Variants in PBK observed in about 807,000 individuals in gnomAD.
PBK encodes the protein lymphokine-activated killer T-cell-originated protein kinase.
PBK carries 22 observed loss-of-function variants against 33.5 expected under a neutral mutation model. The ratio of observed to expected loss-of-function variants is 0.66; its 90% confidence interval spans 0.47 to 0.94. The LOEUF is 0.94. PBK is among the 40% of genes least tolerant of loss of function. PBK has a pLI of 0.00. For missense variants in PBK, 376 were observed against 383.4 expected, an observed-to-expected ratio of 0.98 and a Z score of 0.16; for synonymous variants, 129 against 123.8, an observed-to-expected ratio of 1.04 and a Z score of -0.28.
intron 1 of PBK, among the ~76,000 whole-genome samples, chr8:27,837,438 G>A (rs1262158161): frequency 2.0e-5 from 3 of 152,182 alleles, no homozygotes; most frequent in Admixed American, 2.0e-4. Context: ...AGTGTGGGCC[G>A]CATGACTCTC....
chr8:27,833,370 G>A (rs1585436856), intron 1 of PBK, among the ~76,000 whole-genome samples: 2 of 152,124 alleles, frequency 1.3e-5, no homozygotes, highest in Admixed American at 6.6e-5. Flanking sequence ...TCAGCCAGGC[G>A]TGGTGGCGCA....
At chr8:27,827,961 T>C in intron 3 of PBK, 144 bp downstream of exon 3, 1 of 492,726 alleles carries the variant, frequency 2.0e-6, no homozygotes, top group Admixed American at 3.2e-5. Flanking sequence ...CAAAAGGGTC[T>C]AGGGACCGGA....
chr8:27,816,383 A>T (rs202069584), intron 6 of PBK, among the ~76,000 whole-genome samples: 516 of 48,866 alleles, frequency 0.011, no homozygotes, highest in East Asian at 0.032. Flanking sequence ...ATTTATTTTA[A>T]TTTATTTTTT....
At chr8:27,825,163 G>T (rs1806001966) in intron 3 of PBK, among the ~76,000 whole-genome samples, 1 of 152,214 alleles carries the variant, frequency 6.6e-6, no homozygotes, top group African/African-American at 2.4e-5. Flanking sequence ...CGTAGGCCTG[G>T]AAGGGTTAGC....
At chr8:27,826,688 C>T (rs1280271652) in intron 3 of PBK, among the ~76,000 whole-genome samples, 2 of 138,762 alleles carry the variant, frequency 1.4e-5, no homozygotes, top group African/African-American at 2.9e-5. Context: ...CCCAGCTACT[C>T]GGGAGGCTGA....
intron 5 of PBK, among the ~76,000 whole-genome samples, chr8:27,821,216 T>TA (rs1805921475): frequency 6.6e-6 from 1 of 152,164 alleles, no homozygotes; most frequent in Admixed American, 6.5e-5. Context: ...TATTTAGAAA[T>TA]AGATACTTCT....
Position 27,810,361 on chromosome 8 carries a change from G to C in PBK, c.913C>G (p.Pro305Ala). ...ELFSVCTNEDPKDRPSAAHIV... is the reference protein window; with the variant it reads ...ELFSVCTNEDAKDRPSAAHIV... The stretch of plus-strand genomic sequence containing the variant: ...TGTGCAGCAGAAGGACGATCTTTAG[G>C]GTCTTCATTAGTGCATACAGAGAAG... The change falls in exon 8 of 8, where the codon CCT becomes GCT. Residue 305 changes from proline to alanine, a missense_variant. By Grantham distance (27) the Pro-to-Ala change is conservative (BLOSUM62 -1). Coordinates refer to ENST00000301905, the MANE Select transcript of PBK (RefSeq NM_018492.4). The C allele has an allele frequency of 6.2e-7, 1 of 1,612,312 alleles. No individual in the cohort carries two copies. The highest frequency in any genetic ancestry group is 1.1e-5 in the South Asian group (1 of 91,004).
At chr8:27,827,925 C>A (rs550708884) in intron 3 of PBK, among the ~76,000 whole-genome samples, 180 bp downstream of exon 3, 2 of 152,308 alleles carry the variant, frequency 1.3e-5, no homozygotes, top group South Asian at 4.1e-4. Flanking sequence ...AGGAGAAAAG[C>A]AGAGGCAGAG....
chr8:27,815,316 T>C (rs1458536892), intron 6 of PBK, among the ~76,000 whole-genome samples: 1 of 152,146 alleles, frequency 6.6e-6, no homozygotes, highest in African/African-American at 2.4e-5. Flanking sequence ...GCAGGCTCTG[T>C]TAAGTGAGAA....
Position 27,816,729 on chromosome 8 carries a change from T to A in PBK, c.595+3836A>T, listed in dbSNP as rs1262102877. 3.9e-5 allele frequency among the ~76,000 whole-genome samples: 6 copies of A among 152,204 alleles called. No homozygotes were observed. In the East Asian group the frequency reaches 5.8e-4, roughly 15 times the overall value. ...TAATATATTACCTGTTTAAAAAAAA[T>A]TTTAAGATTTGGGTATTTTTTTTCA... On this transcript the variant is annotated intron_variant, in intron 6 of 7. Coordinates refer to ENST00000301905, the MANE Select transcript of PBK (RefSeq NM_018492.4).
At chr8:27,824,855 C>G (rs1315870094) in intron 3 of PBK, among the ~76,000 whole-genome samples, 1 of 152,146 alleles carries the variant, frequency 6.6e-6, no homozygotes, top group African/African-American at 2.4e-5. Context: ...CTGAATCCAT[C>G]AGTTTATTTA....
intron 3 of PBK, among the ~76,000 whole-genome samples, chr8:27,826,421 A>C (rs566624173): frequency 1.3e-5 from 2 of 152,330 alleles, no homozygotes; most frequent in East Asian, 3.9e-4. Context: ...ACAGGATATA[A>C]TTCAGCAGAG....
chr8:27,827,880 T>C (rs796722481), intron 3 of PBK, among the ~76,000 whole-genome samples: 4 of 152,192 alleles, frequency 2.6e-5, no homozygotes, highest in African/African-American at 9.6e-5. Context: ...AAAAAGTAAA[T>C]GACTTCCCCT....
At chr8:27,825,995 A>G (rs1806017027) in intron 3 of PBK, among the ~76,000 whole-genome samples, 1 of 152,232 alleles carries the variant, frequency 6.6e-6, no homozygotes, top group Non-Finnish European at 1.5e-5. Flanking sequence ...TCAGATTCCA[A>G]GATCCCCACA....
chr8:27,819,549 T>C (rs1805879684), intron 6 of PBK, among the ~76,000 whole-genome samples: 1 of 152,100 alleles, frequency 6.6e-6, no homozygotes, highest in South Asian at 2.1e-4. Flanking sequence ...ATTTACAGCA[T>C]TGATGTTAAG....
At chr8:27,825,727 T>C (rs1806012837) in intron 3 of PBK, among the ~76,000 whole-genome samples, 1 of 152,130 alleles carries the variant, frequency 6.6e-6, no homozygotes, top group East Asian at 1.9e-4. Context: ...TCCAAGAGAC[T>C]AAAGATGCTA....
At chr8:27,822,181 T>C in intron 5 of PBK, 138 bp downstream of exon 5, 1 of 625,718 alleles carries the variant, frequency 1.6e-6, no homozygotes, top group South Asian at 2.0e-5. Context: ...GCCTCTATTT[T>C]GTTTTCCGCT....
rs111966103 is a variant in PBK, at chr8:27,827,822, A to G, written c.152+283T>C. ...AATCTGGTTTAATTACCACAAAGGAACCCTTTCCCCTGCCACTTCCCCTTC... is the reference window on the plus strand; with the variant it reads ...AATCTGGTTTAATTACCACAAAGGAGCCCTTTCCCCTGCCACTTCCCCTTC... On this transcript the variant is annotated intron_variant, in intron 3 of 7. Transcript: ENST00000301905. 9.5e-3 allele frequency among the ~76,000 whole-genome samples: 1,443 copies of G among 152,304 alleles called. 26 individuals carry two copies. The highest frequency in any genetic ancestry group is 0.032 in the African/African-American group (1,347 of 41,568).
chr8:27,811,268 C>T (rs1805676989), intron 6 of PBK, 134 bp from the exon 7 acceptor site: 1 of 705,206 alleles, frequency 1.4e-6, no homozygotes. Flanking sequence ...TGTAAAAATA[C>T]ACTCAACCTC....
Sources: gnomAD v4.1 joint callset for allele counts (sites outside exome capture counted in the v4.1 genomes callset) on GRCh38, gnomAD v4.1.1 for gene constraint, MANE v1.5 for transcripts, NCBI Gene and HGNC (gene_info 2026-07-23, HGNC 2026-07-21) for gene names.